GALNT13: variants seen among roughly 807,000 people sequenced by gnomAD.
The protein encoded by GALNT13 is polypeptide N-acetylgalactosaminyltransferase 13.
A neutral mutation model predicts 64.2 loss-of-function variants in GALNT13; 28 were observed. That is an observed-to-expected ratio of 0.44 (90% CI 0.32 to 0.60). The LOEUF (loss-of-function observed/expected upper bound fraction) is 0.60. GALNT13 is among the 20% of genes least tolerant of loss of function. GALNT13 has a pLI of 0.05. For missense variants in GALNT13, 577 were observed against 669.8 expected, an observed-to-expected ratio of 0.86 and a Z score of 1.53; for synonymous variants, 214 against 224.6, an observed-to-expected ratio of 0.95 and a Z score of 0.42.
chr2:153,209,770 C>T, the GALNT13 span, among the ~76,000 whole-genome samples: 1 of 152,058 alleles, frequency 6.6e-6, no homozygotes, highest in Non-Finnish European at 1.5e-5. Flanking sequence ...TTAACTAACA[C>T]CTTATTGATA....
At chr2:153,771,925 G>A in the GALNT13 span, among the ~76,000 whole-genome samples, 2 of 152,276 alleles carry the variant, frequency 1.3e-5, no homozygotes, top group South Asian at 2.1e-4. Context: ...CTAGAGTGGG[G>A]CACTCTACCC....
chr2:154,296,030 T>C (rs949497689), intron 8 of GALNT13, among the ~76,000 whole-genome samples: 2 of 152,192 alleles, frequency 1.3e-5, no homozygotes, highest in African/African-American at 4.8e-5. Context: ...GAGAGGAAGA[T>C]CTTAGTCTCT....
At chr2:153,245,777 C>A in the GALNT13 span, among the ~76,000 whole-genome samples, 1 of 151,924 alleles carries the variant, frequency 6.6e-6, no homozygotes, top group Non-Finnish European at 1.5e-5. Flanking sequence ...AGCAAGGGCA[C>A]AAAACTGGAT....
At chr2:153,715,978 C>G in the GALNT13 span, among the ~76,000 whole-genome samples, 3 of 152,072 alleles carry the variant, frequency 2.0e-5, no homozygotes, top group Non-Finnish European at 4.4e-5. Context: ...GGATCCTGAG[C>G]TCTGTTTTTG....
intron 3 of GALNT13, among the ~76,000 whole-genome samples, chr2:154,000,794 C>G (rs754782699): frequency 6.6e-6 from 1 of 151,902 alleles, no homozygotes; most frequent in Non-Finnish European, 1.5e-5. Context: ...CTGTAAATGT[C>G]TGTTAAGTCA....
intron 2 of GALNT13, among the ~76,000 whole-genome samples, chr2:153,908,067 G>T (rs1688703324): frequency 6.6e-6 from 1 of 151,916 alleles, no homozygotes; most frequent in Non-Finnish European, 1.5e-5. Context: ...AACCTTGTCT[G>T]TTCTGTTATT....
rs929071296 is a variant in GALNT13 at position 154,056,722 on chromosome 2, C to T, written c.143-83615C>T. Among the ~76,000 whole-genome samples, 5 of 152,066 alleles carry T rather than the reference C, an allele frequency of 3.3e-5. No individual in the cohort carries two copies. In the East Asian group the frequency reaches 9.6e-4, roughly 29 times the overall value. ...CTAGGTTCCCTGAGTATGTTAGTAA[C>T]TCCAATTTGTTAGAGTTTATATGTA... is the stretch of plus-strand genomic sequence containing the variant. On this transcript the variant is annotated intron_variant, in intron 3 of 12. Transcript: ENST00000392825.
the GALNT13 span, among the ~76,000 whole-genome samples, chr2:153,732,487 T>G: frequency 6.6e-6 from 1 of 152,070 alleles, no homozygotes; most frequent in East Asian, 1.9e-4. Flanking sequence ...ATTTAATTTT[T>G]GGAGAGACCA....
At chr2:153,400,873 C>G in the GALNT13 span, among the ~76,000 whole-genome samples, 52 of 152,028 alleles carry the variant, frequency 3.4e-4, no homozygotes, top group African/African-American at 1.0e-3. Context: ...TTTCAAAAAA[C>G]CAGCTCCTGG....
the GALNT13 span, among the ~76,000 whole-genome samples, chr2:153,114,363 A>C: frequency 6.6e-6 from 1 of 152,126 alleles, no homozygotes; most frequent in Admixed American, 6.5e-5. Context: ...TGGCTCTTGC[A>C]CTGTGGCTAT....
At chr2:153,287,946 C>A in the GALNT13 span, among the ~76,000 whole-genome samples, 3 of 152,104 alleles carry the variant, frequency 2.0e-5, no homozygotes, top group Admixed American at 2.0e-4. Flanking sequence ...CACTTCCCTG[C>A]CCCCCTCCCA....
the GALNT13 span, among the ~76,000 whole-genome samples, chr2:153,316,144 A>G: frequency 6.6e-6 from 1 of 151,864 alleles, no homozygotes; most frequent in South Asian, 2.1e-4. Flanking sequence ...AAAAGAAAAC[A>G]AAAAAAAGAC....
the GALNT13 span, among the ~76,000 whole-genome samples, chr2:153,451,603 A>T: frequency 6.6e-6 from 1 of 152,216 alleles, no homozygotes; most frequent in Non-Finnish European, 1.5e-5. Flanking sequence ...TCACATCCAC[A>T]TAATGCACTC....
the GALNT13 span, among the ~76,000 whole-genome samples, chr2:153,321,572 T>C: frequency 6.6e-6 from 1 of 152,222 alleles, no homozygotes; most frequent in Admixed American, 6.5e-5. Flanking sequence ...TTAACTACTG[T>C]TGTTTCTTAA....
the GALNT13 span, among the ~76,000 whole-genome samples, chr2:153,071,151 C>T: frequency 6.6e-6 from 1 of 152,120 alleles, no homozygotes; most frequent in African/African-American, 2.4e-5. Context: ...GTATCCAAAA[C>T]TTATTACAAA....
the GALNT13 span, among the ~76,000 whole-genome samples, chr2:153,707,377 T>C: frequency 6.6e-6 from 1 of 152,166 alleles, no homozygotes; most frequent in African/African-American, 2.4e-5. Flanking sequence ...CAAACCAACC[T>C]ATAGAGAATC....
At chr2:153,906,488 A>ATG (rs1688574569) in intron 2 of GALNT13, among the ~76,000 whole-genome samples, 1 of 150,108 alleles carries the variant, frequency 6.7e-6, no homozygotes, top group Non-Finnish European at 1.5e-5. Flanking sequence ...GAGTGAGAAC[A>ATG]TGCAGTGTTT....
chr2:154,345,468 G>A (rs1041984246), intron 9 of GALNT13, among the ~76,000 whole-genome samples: 3 of 152,006 alleles, frequency 2.0e-5, no homozygotes, highest in Non-Finnish European at 4.4e-5. Context: ...CACTATAGTA[G>A]TCACTAGCTA....
intron 9 of GALNT13, among the ~76,000 whole-genome samples, chr2:154,312,424 T>A (rs895662214): frequency 6.6e-6 from 1 of 152,196 alleles, no homozygotes; most frequent in African/African-American, 2.4e-5. Flanking sequence ...ATCCTTTTTA[T>A]TCGTATGCTT....
Sources: allele counts gnomAD v4.1 joint callset (sites outside exome capture counted in the v4.1 genomes callset), GRCh38; gene constraint gnomAD v4.1.1; transcripts MANE v1.5; gene names NCBI Gene and HGNC (gene_info 2026-07-23, HGNC 2026-07-21).